CLVS1: variants seen among roughly 807,000 people sequenced by gnomAD.
CLVS1 encodes clavesin-1.
CLVS1 carries 10 observed loss-of-function variants against 33.1 expected under a neutral mutation model. The observed-to-expected ratio is 0.30, with a 90% CI of 0.19 to 0.51. CLVS1 has a LOEUF of 0.51. Ranked by LOEUF, CLVS1 falls within the 20% of genes least tolerant of loss-of-function variation. CLVS1 has a pLI of 0.97. For missense variants in CLVS1, 343 were observed against 433.4 expected, an observed-to-expected ratio of 0.79 and a Z score of 1.85; for synonymous variants, 163 against 166.1, an observed-to-expected ratio of 0.98 and a Z score of 0.14.
intron 2 of CLVS1, among the ~76,000 whole-genome samples, chr8:61,154,479 T>A (rs965796017): frequency 6.6e-6 from 1 of 152,036 alleles, no homozygotes; most frequent in African/African-American, 2.4e-5. Flanking sequence ...AAGAAAAAAA[T>A]GTTCTGTTTT....
intron 2 of CLVS1, among the ~76,000 whole-genome samples, chr8:61,312,187 C>A (rs1585786954): frequency 6.6e-6 from 1 of 152,320 alleles, no homozygotes; most frequent in East Asian, 1.9e-4. Context: ...CAAACTCCAA[C>A]CCCCAATTCC....
intron 2 of CLVS1, among the ~76,000 whole-genome samples, chr8:61,261,186 T>G (rs890167309): frequency 6.6e-6 from 1 of 152,218 alleles, no homozygotes; most frequent in Admixed American, 6.5e-5. Flanking sequence ...TAGGGAGCCC[T>G]GGTCCAGAGG....
chr8:61,418,051 G>A (rs1815510999), intron 3 of CLVS1, among the ~76,000 whole-genome samples: 1 of 152,196 alleles, frequency 6.6e-6, no homozygotes, highest in African/African-American at 2.4e-5. Flanking sequence ...CAGAAATCTT[G>A]CTCTCAACCA....
chr8:61,295,412 G>T (rs1230749670), intron 1 of CLVS1, among the ~76,000 whole-genome samples: 1 of 152,182 alleles, frequency 6.6e-6, no homozygotes, highest in Non-Finnish European at 1.5e-5. Context: ...GTGAATGCTG[G>T]AAAAGGCAGA....
chr8:61,288,294 C>G (rs1396801348), intron 1 of CLVS1, 156 bp downstream of exon 1: 2 of 455,738 alleles, frequency 4.4e-6, no homozygotes, highest in African/African-American at 2.0e-5. Flanking sequence ...CACCGCACCC[C>G]GCTCCCCGCC....
At chr8:61,421,872 A>G (rs1039878105) in intron 3 of CLVS1, among the ~76,000 whole-genome samples, 3 of 152,222 alleles carry the variant, frequency 2.0e-5, no homozygotes, top group African/African-American at 7.2e-5. Flanking sequence ...TCTGTAGTGA[A>G]ATGGAAAGAT....
chr8:61,058,960 G>A (rs1055264474), intron 1 of CLVS1, among the ~76,000 whole-genome samples: 3 of 151,934 alleles, frequency 2.0e-5, no homozygotes, highest in Non-Finnish European at 2.9e-5. Flanking sequence ...TGGACATTTA[G>A]CTGTTTCTGA....
chr8:61,417,740 C>T (rs568567023), intron 3 of CLVS1, among the ~76,000 whole-genome samples: 4 of 152,320 alleles, frequency 2.6e-5, no homozygotes, highest in African/African-American at 9.6e-5. Flanking sequence ...AAGAGTCACC[C>T]TTAACCTACT....
intron 3 of CLVS1, among the ~76,000 whole-genome samples, chr8:61,446,071 ATAGT>A (rs1459064611): frequency 6.6e-6 from 1 of 152,064 alleles, no homozygotes; most frequent in Admixed American, 6.6e-5. Flanking sequence ...AAACTTGCTA[ATAGT>A]TTGTTAATTT....
chr8:61,050,195 C>G, the CLVS1 span, among the ~76,000 whole-genome samples: 1 of 152,200 alleles, frequency 6.6e-6, no homozygotes, highest in African/African-American at 2.4e-5. Flanking sequence ...TCCTTCCTTT[C>G]CCTACCTCCT....
chr8:61,461,116 G>A (rs1235389188), intron 5 of CLVS1, among the ~76,000 whole-genome samples: 2 of 152,160 alleles, frequency 1.3e-5, no homozygotes, highest in Non-Finnish European at 2.9e-5. Context: ...CCATGAACAA[G>A]ATAAATTAGG....
At chr8:61,237,157 G>A (rs904820110) in intron 2 of CLVS1, among the ~76,000 whole-genome samples, 2 of 152,304 alleles carry the variant, frequency 1.3e-5, no homozygotes, top group South Asian at 4.1e-4. Context: ...GAAGTCCAGT[G>A]AACTAAAGTC....
intron 2 of CLVS1, among the ~76,000 whole-genome samples, chr8:61,185,104 G>A (rs1807316336): frequency 6.6e-6 from 1 of 150,716 alleles, no homozygotes; most frequent in Non-Finnish European, 1.5e-5. Flanking sequence ...TTATTTAATG[G>A]TATATAACAA....
chr8:61,134,574 C>T (rs1585634422), intron 2 of CLVS1, among the ~76,000 whole-genome samples: 1 of 152,174 alleles, frequency 6.6e-6, no homozygotes, highest in African/African-American at 2.4e-5. Context: ...GGGGAGAATC[C>T]ATTCTCTTGC....
At chr8:61,117,815 A>G (rs1805761184) in intron 1 of CLVS1, among the ~76,000 whole-genome samples, 1 of 152,104 alleles carries the variant, frequency 6.6e-6, no homozygotes, top group Admixed American at 6.5e-5. Context: ...TTCATCAAGG[A>G]TATTGGTCTA....
At chr8:61,051,310 C>A in the CLVS1 span, among the ~76,000 whole-genome samples, 80 of 152,348 alleles carry the variant, frequency 5.3e-4, no homozygotes, top group African/African-American at 1.9e-3. Flanking sequence ...AGGTTTCTGA[C>A]AGATAAAAGG....
chr8:61,139,589 C>A (rs1215140469), intron 2 of CLVS1, among the ~76,000 whole-genome samples: 3 of 152,026 alleles, frequency 2.0e-5, no homozygotes, highest in Non-Finnish European at 4.4e-5. Flanking sequence ...AGGGCCCGTG[C>A]AGAAGGGAGG....
intron 2 of CLVS1, among the ~76,000 whole-genome samples, chr8:61,159,192 T>C (rs373478527): frequency 6.6e-6 from 1 of 152,252 alleles, no homozygotes; most frequent in Admixed American, 6.5e-5. Flanking sequence ...GATTTCTTTA[T>C]GTTCCTTGGT....
chr8:61,215,249 T>C (rs1392896019), intron 2 of CLVS1, among the ~76,000 whole-genome samples: 1 of 152,216 alleles, frequency 6.6e-6, no homozygotes, highest in Non-Finnish European at 1.5e-5. Flanking sequence ...TTTTAAGCTG[T>C]ATTAAATATC....
Sources: allele counts gnomAD v4.1 joint callset (sites outside exome capture counted in the v4.1 genomes callset), GRCh38; gene constraint gnomAD v4.1.1; transcripts MANE v1.5; gene names NCBI Gene and HGNC (gene_info 2026-07-23, HGNC 2026-07-21).